AHRR: variants seen among roughly 807,000 people sequenced by gnomAD.
AHRR encodes the protein aryl hydrocarbon receptor repressor, also known as ahR repressor.
Under a neutral mutation model 44.0 loss-of-function variants are expected in AHRR, and 28 were observed. The observed-to-expected ratio is 0.64, with a 90% CI of 0.47 to 0.87. The LOEUF (loss-of-function observed/expected upper bound fraction) is 0.87. Among genes scored for constraint, AHRR ranks in the 40% least tolerant of loss-of-function variants. AHRR has a pLI of 0.00. For missense variants in AHRR, 990 were observed against 953.9 expected, an observed-to-expected ratio of 1.04 and a Z score of -0.50; for synonymous variants, 434 against 407.0, an observed-to-expected ratio of 1.07 and a Z score of -0.80.
chr5:361,219 G>A (rs1018418870), intron 3 of AHRR, among the ~76,000 whole-genome samples: 9 of 152,214 alleles, frequency 5.9e-5, no homozygotes, highest in Admixed American at 3.3e-4. Flanking sequence ...CAGCCTGGGC[G>A]ACAGAGCAAG....
In AHRR at chr5:404,436, G is replaced by A. The variant is rs189610059; in HGVS notation, c.352-8908G>A. The A allele has an allele frequency of 3.7e-6, 2 of 537,472 alleles. No individual in the cohort carries two copies. The highest frequency in any genetic ancestry group is 3.9e-5 in the Admixed American group (2 of 50,882). The allele number at this position is 537,472 out of a possible 1,614,324, so 33.3% of individuals were successfully genotyped here. A position where few individuals can be genotyped will look rare whatever the true frequency, so the allele number is the denominator to read the frequency against. On this transcript the variant is annotated intron_variant, in intron 4 of 10. Transcript: ENST00000684583. This position sits in a 1 kb window ranked among gnomAD's most constrained non-coding sequence, Gnocchi z 4.1. The stretch of plus-strand genomic sequence containing the variant: ...GAGTCTTGGGGCAGAAGCAACAGGG[G>A]ACCACTGTGCTGGTGCTGTCGTGCA...
At chr5:330,905 G>T (rs556252662) in intron 1 of AHRR, among the ~76,000 whole-genome samples, 4 of 129,468 alleles carry the variant, frequency 3.1e-5, no homozygotes, top group Middle Eastern at 4.6e-3. Context: ...ACAGAGTCTC[G>T]GTCTGTCACC....
intron 1 of AHRR, among the ~76,000 whole-genome samples, chr5:334,994 T>G (rs1382100686): frequency 6.6e-6 from 1 of 152,116 alleles, no homozygotes; most frequent in Admixed American, 6.5e-5. Context: ...GCTTCCTTGG[T>G]TAGGGTGCAG....
intron 7 of AHRR, among the ~76,000 whole-genome samples, chr5:425,536 A>G (rs1736345837): frequency 6.6e-6 from 1 of 152,144 alleles, no homozygotes; most frequent in Non-Finnish European, 1.5e-5. Flanking sequence ...ATTTTGTTCT[A>G]AATTTTGAGG....
chr5:355,675 G>T (rs1444504915), intron 3 of AHRR, among the ~76,000 whole-genome samples: 1 of 152,234 alleles, frequency 6.6e-6, no homozygotes, highest in African/African-American at 2.4e-5. Flanking sequence ...TAAACTGCCA[G>T]CGAGTGAGCT....
intron 4 of AHRR, among the ~76,000 whole-genome samples, chr5:400,070 C>T (rs964292491): frequency 2.6e-5 from 4 of 152,204 alleles, no homozygotes; most frequent in Admixed American, 6.5e-5. Flanking sequence ...CGTGACTAGC[C>T]GCCGTGTTGT....
At chr5:364,696 TAAC>T (rs1743294315) in intron 3 of AHRR, among the ~76,000 whole-genome samples, 1 of 151,940 alleles carries the variant, frequency 6.6e-6, no homozygotes, top group South Asian at 2.1e-4. Context: ...GGAATAAACA[TAAC>T]AACTAAAAGA....
At position 423,940 on chromosome 5, in the gene AHRR, G is replaced by GTT; in HGVS notation, c.672_673insTT (p.Val225LeufsTer13). The stretch of plus-strand genomic sequence containing the variant: ...TTCCTGACCCGCTGCTTCATCTGCC[G>GTT]TGTGCGCTGCCTGCTGGACAGCACC... On this transcript the variant is annotated frameshift_variant, in exon 7 of 11. Transcript: ENST00000684583. The GTT allele has an allele frequency of 6.2e-7, 1 of 1,601,838 alleles. No individual in the cohort carries two copies. Among genetic ancestry groups the GTT allele is most frequent in the Middle Eastern group, 1.7e-4 (1 of 6,046 alleles).
rs913569500 is a variant in AHRR at position 375,287 on chromosome 5, G to A, written c.245-1323G>A. Among the ~76,000 whole-genome samples, 7 of 152,218 alleles carry A rather than the reference G, an allele frequency of 4.6e-5. No individual in the cohort carries two copies. The East Asian group carries it at 9.6e-4, about 21-fold the overall frequency. ...ACTGTGATGGGCTACAAATAGACAC[G>A]TGCGCTTTTCGATGAGGCGGTGCCC... On this transcript the variant is annotated intron_variant, in intron 3 of 10. Transcript: ENST00000684583.
Position 370,995 on chromosome 5 carries a change from G to A in AHRR, c.245-5615G>A, listed in dbSNP as rs1300420068. Among the ~76,000 whole-genome samples the A allele has an allele frequency of 1.3e-5, 2 of 152,180 alleles. No individual in the cohort carries two copies. Among genetic ancestry groups the A allele is most frequent in the African/African-American group, 4.8e-5 (2 of 41,446 alleles). On this transcript the variant is annotated intron_variant, in intron 3 of 10. Transcript: ENST00000684583. The surrounding 1 kb of genome is among the most constrained non-coding windows in gnomAD (Gnocchi z 4.5). ...GATATGGGGAGGCTTATTATGAGCA[G>A]GTGTCTCAGACAGCTGCAAGCTGGA...
Position 436,468 on chromosome 5 carries a change from T to G in AHRR, c.*1634T>G, listed in dbSNP as rs1041782221. The stretch of plus-strand genomic sequence containing the variant: ...GGTCTTCTGCCCAATGCCAGGTGCC[T>G]GCGCCTCTCAGTGGCCTGGTTCTTG... On this transcript the variant is annotated 3_prime_UTR_variant, in exon 11 of 11. Transcript: ENST00000684583. The G allele has an allele frequency of 6.6e-6, 1 of 152,434 alleles. No homozygotes were observed. The highest frequency in any genetic ancestry group is 6.5e-5 in the Admixed American group (1 of 15,284). 9.4% of individuals were successfully genotyped at this position (152,434 alleles called of 1,614,324 possible).
At chr5:399,730 G>A (rs942756636) in intron 4 of AHRR, among the ~76,000 whole-genome samples, 3 of 152,226 alleles carry the variant, frequency 2.0e-5, no homozygotes, top group Non-Finnish European at 4.4e-5. Context: ...CGGGTTAACC[G>A]AGCGGGGCTG....
rs148960070 is a variant in AHRR at position 345,336 on chromosome 5, ATGTG to A, written c.62+1386_62+1389del. Among the ~76,000 whole-genome samples the A allele has an allele frequency of 1.1e-3, 32 of 29,502 alleles. 4 individuals carry two copies. The highest frequency in any genetic ancestry group is 2.5e-3 in the African/African-American group (5 of 2,040). The allele number at this position is 29,502 out of a possible 152,430, so 19.4% of individuals were successfully genotyped here. Reference sequence around the variant, plus strand: ...GATGTGTGTGTGTGTGTGTGTGGGGATGTGTGTGTGTGTGTGTCGGATGATGTCC... The same window carrying A: ...GATGTGTGTGTGTGTGTGTGTGGGGATGTGTGTGTGTGTCGGATGATGTCC... On this transcript the variant is annotated intron_variant, in intron 2 of 10. Transcript: ENST00000684583.
intron 1 of AHRR, chr5:343,589 C>A (rs938475551): frequency 7.5e-6 from 3 of 402,508 alleles, no homozygotes; most frequent in Non-Finnish European, 1.3e-5. Flanking sequence ...CTCAGGACGC[C>A]GGTCTCCCGC....
Position 395,209 on chromosome 5 carries a change from C to T in AHRR, c.352-18135C>T, listed in dbSNP as rs550828359. Among the ~76,000 whole-genome samples, 857 of 152,336 alleles carry T rather than the reference C, an allele frequency of 5.6e-3. 4 individuals carry two copies. Among genetic ancestry groups the T allele is most frequent in the Middle Eastern group, 0.01 (3 of 294 alleles). On this transcript the variant is annotated intron_variant, in intron 4 of 10. Transcript: ENST00000684583. The surrounding 1 kb of genome is among the most constrained non-coding windows in gnomAD (Gnocchi z 5.3). ...GGGATCCTGTCCTCAAGTCCCCCTC[C>T]TGCCAGGTGGCCGACACTGGCTGCC...
At chr5:350,144 T>A (rs1742810667) in intron 2 of AHRR, among the ~76,000 whole-genome samples, 1 of 152,244 alleles carries the variant, frequency 6.6e-6, no homozygotes, top group South Asian at 2.1e-4. Flanking sequence ...TGTCAATTTC[T>A]GTAGAAATTC....
Position 405,800 on chromosome 5 carries a change from G to A in AHRR, c.352-7544G>A, listed in dbSNP as rs1202483773. ...ACAAGTGTTTCTTTTATATTTTCAC[G>A]GCACGTGTGACTTTTCTTTTTGGAT... On this transcript the variant is annotated intron_variant, in intron 4 of 10. Transcript: ENST00000684583. This position sits in a 1 kb window ranked among gnomAD's most constrained non-coding sequence, Gnocchi z 4.5. Among the ~76,000 whole-genome samples the A allele has an allele frequency of 2.0e-5, 3 of 152,198 alleles. No homozygotes were observed. The highest frequency in any genetic ancestry group is 4.4e-5 in the Non-Finnish European group (3 of 68,024).
chr5:428,468 T>TC (rs1736571541), intron 8 of AHRR, among the ~76,000 whole-genome samples: 1 of 152,174 alleles, frequency 6.6e-6, no homozygotes, highest in African/African-American at 2.4e-5. Flanking sequence ...CTCCAGCTGG[T>TC]CCTCGTCCCT....
chr5:412,974 A>G (rs1228705902), intron 4 of AHRR, among the ~76,000 whole-genome samples: 1 of 152,176 alleles, frequency 6.6e-6, no homozygotes, highest in Non-Finnish European at 1.5e-5. Flanking sequence ...AAAAATCCTT[A>G]GAAAAGCCAA....
Sources: gnomAD v4.1 joint callset for allele counts (sites outside exome capture counted in the v4.1 genomes callset) on GRCh38, gnomAD v4.1.1 for gene constraint, Gnocchi (gnomAD v3.1) non-coding constraint, MANE v1.5 for transcripts, NCBI Gene and HGNC (gene_info 2026-07-23, HGNC 2026-07-21) for gene names.